Variants in GMNC observed in about 807,000 individuals in gnomAD.
GMNC encodes the protein geminin coiled-coil domain containing.
In GMNC, 16 loss-of-function variants were observed where a neutral mutation model predicts 33.6. The observed-to-expected ratio is 0.48, with a 90% confidence interval of 0.32 to 0.72. The LOEUF (loss-of-function observed/expected upper bound fraction) is 0.72, where lower values mean the gene tolerates loss of function less well. GMNC is among the 30% of genes least tolerant of loss of function. The probability of loss-of-function intolerance (pLI) is 0.03; values close to 1 mark genes in which losing one functional copy is unlikely to be tolerated. For missense variants in GMNC, 393 were observed against 388.9 expected, an observed-to-expected ratio of 1.01 and a Z score of -0.09; for synonymous variants, 156 against 147.3, an observed-to-expected ratio of 1.06 and a Z score of -0.43.
chr3:190,845,786 C>T, the GMNC span, among the ~76,000 whole-genome samples: 55 of 152,204 alleles, frequency 3.6e-4, no homozygotes, highest in African/African-American at 1.3e-3. Context: ...GGATTACAGA[C>T]GTGAGCCACC....
downstream of GMNC, among the ~76,000 whole-genome samples, chr3:190,850,918 C>T (rs1407101175): frequency 1.3e-5 from 2 of 152,058 alleles, no homozygotes; most frequent in African/African-American, 4.8e-5. Flanking sequence ...AATTACATTC[C>T]TATTCAAGGA....
the GMNC span, among the ~76,000 whole-genome samples, chr3:190,847,603 C>T: frequency 6.6e-6 from 1 of 152,176 alleles, no homozygotes; most frequent in Admixed American, 6.5e-5. Context: ...CTGCTGTCTC[C>T]TCTTTCATTG....
chr3:190,843,345 A>G, the GMNC span, among the ~76,000 whole-genome samples: 2 of 152,164 alleles, frequency 1.3e-5, no homozygotes, highest in Admixed American at 1.3e-4. Flanking sequence ...ACACAGTATT[A>G]CAGATATATA....
In GMNC at chr3:190,855,302, T is replaced by C. The variant is rs1245754894; in HGVS notation, c.998A>G (p.Gln333Arg). 6.4e-7 allele frequency: 1 copy of C among 1,551,134 alleles called. No individual in the cohort carries two copies. The highest frequency in any genetic ancestry group is 2.0e-5 in the Admixed American group (1 of 50,984). Reference sequence around the variant, plus strand: ...GTGATAAAAGAGGGGTCACTAAGACTGCTTAGGGACCCAGGTAAACTTCCA... The same window carrying C: ...GTGATAAAAGAGGGGTCACTAAGACCGCTTAGGGACCCAGGTAAACTTCCA... The part of the protein sequence containing the change: ...GGWKFTWVPK[Q>R]S The change falls in exon 5 of 5, where the codon CAG (glutamine) becomes CGG (arginine). Residue 333 changes from glutamine (Q) to arginine (R), a missense_variant. Transcript: ENST00000442080.
rs1012434669 is a variant in GMNC, at chr3:190,854,015, A to C, written c.*1280T>G. 1.3e-5 allele frequency: 2 copies of C among 152,178 alleles called. No individual in the cohort carries two copies. The highest frequency in any genetic ancestry group is 2.4e-5 in the African/African-American group (1 of 41,450). 9.4% of individuals were successfully genotyped at this position (152,178 alleles called of 1,614,324 possible). A position where few individuals can be genotyped will look rare whatever the true frequency, so the allele number is the denominator to read the frequency against. On this transcript the variant is annotated 3_prime_UTR_variant, in exon 5 of 5. Coordinates refer to ENST00000442080, the MANE Select transcript of GMNC (RefSeq NM_001146686.3). ...TACTGTGATCAGAGCAATGATTTCT[A>C]ATGTTAACTTCAAATGACTTATGTT...
chr3:190,855,157 G>A lies in GMNC; in HGVS notation c.*138C>T. The A allele has an allele frequency of 2.4e-6, 2 of 822,288 alleles. No individual in the cohort carries two copies. The highest frequency in any genetic ancestry group is 2.7e-5 in the East Asian group (1 of 37,210). 50.9% of individuals were successfully genotyped at this position (822,288 alleles called of 1,614,324 possible). The stretch of plus-strand genomic sequence containing the variant: ...AAGCCATTCCCTGCAGATTTAAGTG[G>A]GTAATTGAGAGTGACATTTAAAGTG... On this transcript the variant is annotated 3_prime_UTR_variant, in exon 5 of 5. Coordinates refer to ENST00000442080, the MANE Select transcript of GMNC (RefSeq NM_001146686.3).
the GMNC span, among the ~76,000 whole-genome samples, chr3:190,846,379 GA>G: frequency 2.6e-5 from 4 of 152,008 alleles, no homozygotes; most frequent in African/African-American, 9.7e-5. Flanking sequence ...TTAATAACCT[GA>G]AAATATGATA....
At chr3:190,856,431 A>C (rs916002224) in intron 4 of GMNC, among the ~76,000 whole-genome samples, 1 of 144,816 alleles carries the variant, frequency 6.9e-6, no homozygotes, top group African/African-American at 2.5e-5. Flanking sequence ...ATATTAATTT[A>C]TATAAGTAAA....
rs1411014783 is a variant in GMNC at position 190,860,699 on chromosome 3, C to T, written c.163G>A (p.Ala55Thr). 4.5e-6 allele frequency: 7 copies of T among 1,550,306 alleles called. No individual in the cohort carries two copies. The highest frequency in any genetic ancestry group is 2.7e-5 in the African/African-American group (2 of 73,004). Residue 55 changes from alanine to threonine, a missense_variant, in exon 2 of 5, where the codon GCA becomes ACA. Transcript: ENST00000442080. ...CAGAACTTACCCTGTGCCTGTGGTGCTTGTTGGAGCTCTCTGTTGTCCAGG... is the reference window on the plus strand; with the variant it reads ...CAGAACTTACCCTGTGCCTGTGGTGTTTGTTGGAGCTCTCTGTTGTCCAGG... ...GLLDNRELQQ[A>T]PQAQESFSDS...
downstream of GMNC, among the ~76,000 whole-genome samples, chr3:190,847,910 A>G (rs1737576501): frequency 6.6e-6 from 1 of 152,228 alleles, no homozygotes; most frequent in Non-Finnish European, 1.5e-5. Context: ...TAGGAATATC[A>G]TGTTTAAAAA....
intron 4 of GMNC, 140 bp downstream of exon 4, chr3:190,857,643 C>A (rs193103620): frequency 3.6e-6 from 2 of 551,410 alleles, no homozygotes; most frequent in Non-Finnish European, 6.5e-6. Flanking sequence ...GTGAAAGAGC[C>A]GTTATTTCCT....
Position 190,855,921 on chromosome 3 carries a change from G to C in GMNC, c.385-6C>G. ...TCATCAGATGAGAGCAATTTCTAGG[G>C]AAGTGATATTTGAAAGTTATACTTT... On this transcript the variant is annotated splice_polypyrimidine_tract_variant and splice_region_variant and intron_variant, in intron 4 of 4. Coordinates refer to ENST00000442080, the MANE Select transcript of GMNC (RefSeq NM_001146686.3). 6.6e-7 allele frequency: 1 copy of C among 1,515,796 alleles called. No individual in the cohort carries two copies. Among genetic ancestry groups the C allele is most frequent in the Non-Finnish European group, 8.8e-7 (1 of 1,130,084 alleles). 93.9% of individuals were successfully genotyped at this position (1,515,796 alleles called of 1,614,324 possible). A position where few individuals can be genotyped will look rare whatever the true frequency, so the allele number is the denominator to read the frequency against.
intron 3 of GMNC, chr3:190,858,141 T>C (rs945489357): frequency 7.0e-6 from 3 of 427,052 alleles, no homozygotes; most frequent in Non-Finnish European, 1.3e-5. Flanking sequence ...TAATAGACTT[T>C]TAAAATTGTA....
chr3:190,856,741 C>T (rs1737755444), intron 4 of GMNC, among the ~76,000 whole-genome samples: 1 of 151,478 alleles, frequency 6.6e-6, no homozygotes, highest in Non-Finnish European at 1.5e-5. Context: ...ACTGCTTCTT[C>T]TTATTTCATT....
the GMNC span, among the ~76,000 whole-genome samples, chr3:190,845,231 A>G: frequency 1.2e-4 from 18 of 152,180 alleles, no homozygotes; most frequent in Non-Finnish European, 2.5e-4. Context: ...TCAATACATG[A>G]GAGCTATACC....
In GMNC at chr3:190,855,544, G is replaced by A. The variant is rs1737713529; in HGVS notation, c.756C>T (p.Pro252=). The change falls in exon 5 of 5, where the codon CCC becomes CCT. Residue 252 remains proline (P), a synonymous_variant. Coordinates refer to ENST00000442080, the MANE Select transcript of GMNC (RefSeq NM_001146686.3). ...CTCCATGAGTGGCAGTGCTGTGCAA[G>A]GGGGTTGTTCTGTCACCTCTATAGT... The part of the protein sequence containing the change: ...PIDYRGDRTT[P]LHSTATHGED... 6.4e-7 allele frequency: 1 copy of A among 1,551,680 alleles called. No homozygotes were observed. The highest frequency in any genetic ancestry group is 8.7e-7 in the Non-Finnish European group (1 of 1,146,918).
intron 2 of GMNC, chr3:190,859,932 G>C: frequency 2.9e-6 from 1 of 346,584 alleles, no homozygotes; most frequent in South Asian, 2.4e-5. Flanking sequence ...GCTTGTAGTG[G>C]AAAGCTAATA....
chr3:190,850,759 A>G (rs1737621443), downstream of GMNC, among the ~76,000 whole-genome samples: 1 of 152,206 alleles, frequency 6.6e-6, no homozygotes, highest in African/African-American at 2.4e-5. Flanking sequence ...TAGAAAAGGT[A>G]TTAGACCCAA....
rs191321298 is a variant in GMNC, at chr3:190,853,066, G to A, written c.*2229C>T. 29 of 152,126 alleles carry A rather than the reference G, an allele frequency of 1.9e-4. No individual in the cohort carries two copies. Among genetic ancestry groups the A allele is most frequent in the African/African-American group, 5.8e-4 (24 of 41,544 alleles). The allele number at this position is 152,126 out of a possible 1,614,324, so 9.4% of individuals were successfully genotyped here. On this transcript the variant is annotated 3_prime_UTR_variant, in exon 5 of 5. Transcript: ENST00000442080. Reference sequence around the variant, plus strand: ...AAATGTTCGGTAATATCTTTAAACTGGGCCAAAATTAAGTTTCATTTAAAA... The same window carrying A: ...AAATGTTCGGTAATATCTTTAAACTAGGCCAAAATTAAGTTTCATTTAAAA...
Sources: allele counts gnomAD v4.1 joint callset (sites outside exome capture counted in the v4.1 genomes callset), GRCh38; gene constraint gnomAD v4.1.1; transcripts MANE v1.5; gene names NCBI Gene and HGNC (gene_info 2026-07-23, HGNC 2026-07-21).